The following RNGTT variants were observed in gnomAD, a reference collection of about 807,000 sequenced individuals.
The protein encoded by RNGTT is mRNA-capping enzyme.
In RNGTT, 33 loss-of-function variants were observed where a neutral mutation model predicts 79.3. That is an observed-to-expected ratio of 0.42 (90% CI 0.32 to 0.56). RNGTT has a LOEUF of 0.56. Among genes scored for constraint, RNGTT ranks in the 20% least tolerant of loss-of-function variants. RNGTT has a pLI of 0.17. For synonymous variants in RNGTT, 222 were observed against 235.9 expected, an observed-to-expected ratio of 0.94 and a Z score of 0.54; for missense variants, 497 against 739.1, an observed-to-expected ratio of 0.67 and a Z score of 3.80.
chr6:88,873,718 A>G (rs1434849611), intron 8 of RNGTT, among the ~76,000 whole-genome samples: 1 of 152,120 alleles, frequency 6.6e-6, no homozygotes, highest in African/African-American at 2.4e-5. Flanking sequence ...AATACAAATG[A>G]CTTTTATAAT....
rs535878502 is a variant in RNGTT at position 88,626,808 on chromosome 6, A to T, written c.1507-12413T>A. Reference sequence around the variant, plus strand: ...TGGGTTGAATGACCTTTCTATAGGCATAACTAGCAAAAATAAGAAGTCACA... The same window carrying T: ...TGGGTTGAATGACCTTTCTATAGGCTTAACTAGCAAAAATAAGAAGTCACA... On this transcript the variant is annotated intron_variant, in intron 14 of 15. Coordinates refer to ENST00000369485, the MANE Select transcript of RNGTT (RefSeq NM_003800.5). 6.6e-5 allele frequency among the ~76,000 whole-genome samples: 10 copies of T among 152,202 alleles called. No homozygotes were observed. In the South Asian group the frequency reaches 1.2e-3, roughly 19 times the overall value.
chr6:88,728,366 T>C (rs1389849571), intron 13 of RNGTT, among the ~76,000 whole-genome samples: 2 of 152,192 alleles, frequency 1.3e-5, no homozygotes, highest in Non-Finnish European at 2.9e-5. Flanking sequence ...ATTGGGACCA[T>C]TTAATCCGGG....
At chr6:88,929,350 A>C (rs1387735835) in intron 2 of RNGTT, 83 bp from the exon 3 acceptor site, 4 of 813,702 alleles carry the variant, frequency 4.9e-6, no homozygotes, top group South Asian at 4.8e-5. Flanking sequence ...GCAATACTAC[A>C]GTTCATTCAT....
intron 13 of RNGTT, among the ~76,000 whole-genome samples, chr6:88,695,816 G>A (rs1195108158): frequency 6.6e-6 from 1 of 152,174 alleles, no homozygotes; most frequent in African/African-American, 2.4e-5. Context: ...ATACTATTTA[G>A]CCTTTAAAGA....
intron 12 of RNGTT, among the ~76,000 whole-genome samples, chr6:88,797,681 G>C (rs1426261642): frequency 6.6e-6 from 1 of 151,658 alleles, no homozygotes; most frequent in African/African-American, 2.4e-5. Flanking sequence ...TCTAAAAAAA[G>C]AAAATACAAT....
At chr6:88,823,497 G>A (rs895422331) in intron 11 of RNGTT, among the ~76,000 whole-genome samples, 1 of 151,388 alleles carries the variant, frequency 6.6e-6, no homozygotes, top group Non-Finnish European at 1.5e-5. Context: ...TACAAAGTGG[G>A]AGAATATATC....
chr6:88,941,657 C>G (rs1370317566), intron 1 of RNGTT, among the ~76,000 whole-genome samples: 1 of 151,870 alleles, frequency 6.6e-6, no homozygotes, highest in Admixed American at 6.6e-5. Context: ...AAAGATACTA[C>G]CCTACATCTT....
intron 8 of RNGTT, among the ~76,000 whole-genome samples, chr6:88,875,513 A>C (rs1162819695): frequency 6.6e-6 from 1 of 152,216 alleles, no homozygotes; most frequent in Non-Finnish European, 1.5e-5. Context: ...TATTGAAAAA[A>C]TAATGAGGAC....
chr6:88,614,171 C>G lies in RNGTT; in HGVS notation c.1630+101G>C, dbSNP rs920920532. The G allele has an allele frequency of 2.7e-6, 3 of 1,103,796 alleles. No homozygotes were observed. The East Asian group carries it at 7.2e-5, about 26-fold the overall frequency. The allele number at this position is 1,103,796 out of a possible 1,614,324, so 68.4% of individuals were successfully genotyped here. ...TCAAACAAGGATGAAGTCCAAATGA[C>G]TATGCCCCATTAAGCAAAACAACAA... On this transcript the variant is annotated intron_variant, in intron 15 of 15. Transcript: ENST00000369485.
chr6:88,945,155 T>C (rs1784965418), intron 1 of RNGTT, among the ~76,000 whole-genome samples: 2 of 152,188 alleles, frequency 1.3e-5, no homozygotes, highest in Non-Finnish European at 2.9e-5. Flanking sequence ...GGCCACGCTA[T>C]CCCCATTCTT....
chr6:88,679,558 C>A (rs1775010948), intron 13 of RNGTT, among the ~76,000 whole-genome samples: 1 of 152,056 alleles, frequency 6.6e-6, no homozygotes, highest in Non-Finnish European at 1.5e-5. Flanking sequence ...AAATAAAAAT[C>A]AAACCAAATA....
In RNGTT at chr6:88,904,775, C is replaced by T. The variant is rs1446944230; in HGVS notation, c.624G>A (p.Lys208=). 1.2e-6 allele frequency: 2 copies of T among 1,613,848 alleles called. No homozygotes were observed. Among genetic ancestry groups the T allele is most frequent in the African/African-American group, 1.3e-5 (1 of 74,840 alleles). Residue 208 remains lysine, a synonymous_variant, in exon 6 of 16, where the codon AAG becomes AAA. Transcript: ENST00000369485. ...EDEDEDEDGK[K]ESEPGSSASF... The stretch of plus-strand genomic sequence containing the variant: ...AAGCACTTGACCCGGGTTCTGATTC[C>T]TTCTTTCCATCCTCATCCTCATCTT...
intron 11 of RNGTT, among the ~76,000 whole-genome samples, chr6:88,809,666 T>G (rs920031871): frequency 1.3e-5 from 2 of 152,122 alleles, no homozygotes; most frequent in Non-Finnish European, 1.5e-5. Flanking sequence ...TTAAACAGAA[T>G]GAAAACAAAA....
chr6:88,847,574 T>C (rs1781526321), intron 10 of RNGTT, among the ~76,000 whole-genome samples: 1 of 151,984 alleles, frequency 6.6e-6, no homozygotes. Context: ...CATCCCAATA[T>C]CAGAAATGTA....
intron 14 of RNGTT, among the ~76,000 whole-genome samples, chr6:88,660,482 G>A (rs1448705663): frequency 1.3e-5 from 2 of 149,832 alleles, no homozygotes; most frequent in Non-Finnish European, 2.9e-5. Flanking sequence ...CCATGCAAAT[G>A]AACACCAAAA....
intron 4 of RNGTT, among the ~76,000 whole-genome samples, chr6:88,925,541 C>T (rs900373448): frequency 1.5e-4 from 22 of 150,646 alleles, no homozygotes; most frequent in African/African-American, 5.1e-4. Flanking sequence ...TGCAGTGAGC[C>T]GAAGTCACAC....
intron 14 of RNGTT, among the ~76,000 whole-genome samples, chr6:88,675,676 T>C (rs892347504): frequency 1.3e-5 from 2 of 149,796 alleles, no homozygotes; most frequent in African/African-American, 2.5e-5. Context: ...GAGTATAAGA[T>C]CATAGAGTTT....
rs575365410 is a variant in RNGTT at position 88,949,788 on chromosome 6, A to C, written c.65-8608T>G. On this transcript the variant is annotated intron_variant, in intron 1 of 15. Coordinates refer to ENST00000369485, the MANE Select transcript of RNGTT (RefSeq NM_003800.5). ...GGAAAGAAGCCATCTCTCTAACATAAAGGTACAAGGTAAAGTGCTGTTATG... is the reference window on the plus strand; with the variant it reads ...GGAAAGAAGCCATCTCTCTAACATACAGGTACAAGGTAAAGTGCTGTTATG... Among the ~76,000 whole-genome samples the C allele has an allele frequency of 5.9e-5, 9 of 152,322 alleles. 1 individual carries two copies. The highest frequency in any genetic ancestry group is 2.2e-4 in the African/African-American group (9 of 41,580).
At chr6:88,875,305 T>C (rs927589693) in intron 8 of RNGTT, among the ~76,000 whole-genome samples, 3 of 152,040 alleles carry the variant, frequency 2.0e-5, no homozygotes, top group African/African-American at 7.2e-5. Context: ...AAGATGAAGG[T>C]ATAATGTCTC....
Sources: gnomAD v4.1 joint callset for allele counts (sites outside exome capture counted in the v4.1 genomes callset) on GRCh38, gnomAD v4.1.1 for gene constraint, MANE v1.5 for transcripts, NCBI Gene and HGNC (gene_info 2026-07-23, HGNC 2026-07-21) for gene names.